ZNF804B: variants seen among roughly 807,000 people sequenced by gnomAD.
ZNF804B encodes the protein zinc finger 804B.
Under a neutral mutation model 101.4 loss-of-function variants are expected in ZNF804B, and 80 were observed. The observed-to-expected ratio is 0.79, with a 90% CI of 0.66 to 0.95. The LOEUF (loss-of-function observed/expected upper bound fraction) is 0.95. Among genes scored for constraint, ZNF804B ranks in the 40% least tolerant of loss-of-function variants. The pLI is 0.00. For synonymous variants in ZNF804B, 622 were observed against 558.8 expected (o/e 1.11, Z -1.59); for missense variants, 1,673 against 1,561.9 (o/e 1.07, Z -1.20).
chr7:89,125,321 G>T (rs1790462774), intron 1 of ZNF804B, among the ~76,000 whole-genome samples: 1 of 150,560 alleles, frequency 6.6e-6, no homozygotes, highest in Non-Finnish European at 1.5e-5. Flanking sequence ...TATAGATATT[G>T]ATATGAATGT....
chr7:88,870,400 A>AAAAAAAAAAAAAAAAAAAAAAAAAAAAAG lies in ZNF804B; in HGVS notation c.108+110323_108+110324insAAAAAAAAAAAAAAAAAAAAAGAAAAAAA, dbSNP rs781332488. ...ACTCCGTCTCAAAAAAAAAAAAAAA[A>AAAAAAAAAAAAAAAAAAAAAAAAAAAAAG]AAAAAAAGGTGGGTGATTGGAAAAC... is the stretch of plus-strand genomic sequence containing the variant. On this transcript the variant is annotated intron_variant, in intron 1 of 3. Coordinates refer to ENST00000333190, the MANE Select transcript of ZNF804B (RefSeq NM_181646.5). Among the ~76,000 whole-genome samples the AAAAAAAAAAAAAAAAAAAAAAAAAAAAAG allele has an allele frequency of 4.8e-4, 54 of 112,382 alleles. 1 individual carries two copies. The highest frequency in any genetic ancestry group is 1.1e-3 in the African/African-American group (29 of 25,346). 73.7% of individuals were successfully genotyped at this position (112,382 alleles called of 152,430 possible). A position where few individuals can be genotyped will look rare whatever the true frequency, so the allele number is the denominator to read the frequency against.
rs374874295 is a variant in ZNF804B at position 89,096,592 on chromosome 7, G to A, written c.109-121563G>A. 8.1e-4 allele frequency among the ~76,000 whole-genome samples: 123 copies of A among 152,244 alleles called. 2 individuals carry two copies. The South Asian group carries it at 0.025, about 31-fold the overall frequency. On this transcript the variant is annotated intron_variant, in intron 1 of 3. Coordinates refer to ENST00000333190, the MANE Select transcript of ZNF804B (RefSeq NM_181646.5). ...TGTCCACGTTATTACTTGGATAGAT[G>A]TTTTTCCCAGTTCCTGATTTTACGA...
rs573323049 is a variant in ZNF804B, at chr7:89,307,332, T to C, written c.250-20012T>C. Among the ~76,000 whole-genome samples the C allele has an allele frequency of 2.7e-3, 411 of 152,176 alleles. 2 individuals are homozygous for C. Among genetic ancestry groups the C allele is most frequent in the African/African-American group, 9.5e-3 (397 of 41,576 alleles). ...CAAAATGTCCTTTTAAAATAATATT[T>C]TAAAGTGGTTAATTGCATTCATGAA... On this transcript the variant is annotated intron_variant, in intron 2 of 3. Coordinates refer to ENST00000333190, the MANE Select transcript of ZNF804B (RefSeq NM_181646.5).
chr7:88,881,935 T>G (rs1005672863), intron 1 of ZNF804B, among the ~76,000 whole-genome samples: 5 of 152,184 alleles, frequency 3.3e-5, no homozygotes, highest in African/African-American at 1.2e-4. Flanking sequence ...CATCTTTCAG[T>G]GCAGAGTATT....
chr7:89,001,421 A>G (rs1788287261), intron 1 of ZNF804B, among the ~76,000 whole-genome samples: 2 of 151,824 alleles, frequency 1.3e-5, no homozygotes, highest in South Asian at 4.1e-4. Context: ...CAGAAACACA[A>G]TAAAAACTTC....
At chr7:89,137,225 T>C (rs1255882580) in intron 1 of ZNF804B, among the ~76,000 whole-genome samples, 3 of 152,080 alleles carry the variant, frequency 2.0e-5, no homozygotes, top group Non-Finnish European at 2.9e-5. Context: ...TTTGGAGTGC[T>C]CAGATGATGT....
At chr7:89,132,650 G>A (rs545604409) in intron 1 of ZNF804B, among the ~76,000 whole-genome samples, 42 of 152,020 alleles carry the variant, frequency 2.8e-4, no homozygotes, top group African/African-American at 9.9e-4. Flanking sequence ...GAGAATTAAT[G>A]AGTTGATATA....
intron 1 of ZNF804B, among the ~76,000 whole-genome samples, chr7:88,955,687 A>G (rs908487392): frequency 1.3e-5 from 2 of 151,684 alleles, no homozygotes; most frequent in Admixed American, 1.3e-4. Context: ...ACATTGGTCT[A>G]GGCCAAGATT....
intron 1 of ZNF804B, among the ~76,000 whole-genome samples, chr7:88,934,572 G>A (rs1792938477): frequency 6.6e-6 from 1 of 151,616 alleles, no homozygotes; most frequent in African/African-American, 2.4e-5. Flanking sequence ...CCATCAAACA[G>A]AAGGCAAATG....
chr7:88,922,062 A>C (rs539223016), intron 1 of ZNF804B, among the ~76,000 whole-genome samples: 4 of 152,148 alleles, frequency 2.6e-5, no homozygotes, highest in Admixed American at 2.0e-4. Context: ...GAAAGAAATG[A>C]CTCAAGATTA....
rs182841387 is a variant in ZNF804B, at chr7:89,068,769, A to C, written c.109-149386A>C. Among the ~76,000 whole-genome samples, 7 of 152,368 alleles carry C rather than the reference A, an allele frequency of 4.6e-5. No individual in the cohort carries two copies. In the East Asian group the frequency reaches 1.2e-3, roughly 25 times the overall value. Reference sequence around the variant, plus strand: ...TGAATAGATTAATTTGAAAGTTATCAGAATGTGTAATTGAGAAAAGCACCA... The same window carrying C: ...TGAATAGATTAATTTGAAAGTTATCCGAATGTGTAATTGAGAAAAGCACCA... On this transcript the variant is annotated intron_variant, in intron 1 of 3. Transcript: ENST00000333190.
chr7:88,838,371 C>T lies in ZNF804B; in HGVS notation c.108+78287C>T, dbSNP rs1216181417. Among the ~76,000 whole-genome samples, 3 of 151,818 alleles carry T rather than the reference C, an allele frequency of 2.0e-5. No homozygotes were observed. The East Asian group carries it at 5.8e-4, about 29-fold the overall frequency. On this transcript the variant is annotated intron_variant, in intron 1 of 3. Coordinates refer to ENST00000333190, the MANE Select transcript of ZNF804B (RefSeq NM_181646.5). ...TCTCTCAAGTTTGTATTCTTAAACACCATTTTATATTATTCTGCTAAGTGT... is the reference window on the plus strand; with the variant it reads ...TCTCTCAAGTTTGTATTCTTAAACATCATTTTATATTATTCTGCTAAGTGT...
intron 1 of ZNF804B, among the ~76,000 whole-genome samples, chr7:89,143,844 G>A (rs1358569058): frequency 6.6e-6 from 1 of 151,870 alleles, no homozygotes; most frequent in East Asian, 1.9e-4. Context: ...TTCATAATAT[G>A]CATTTTTCAT....
At chr7:89,102,202 G>T (rs1167280787) in intron 1 of ZNF804B, among the ~76,000 whole-genome samples, 1 of 151,990 alleles carries the variant, frequency 6.6e-6, no homozygotes, top group Non-Finnish European at 1.5e-5. Context: ...TAGAAGGATG[G>T]CTGGATAGAA....
intron 1 of ZNF804B, among the ~76,000 whole-genome samples, chr7:89,074,872 A>G (rs1382019344): frequency 6.6e-6 from 1 of 152,218 alleles, no homozygotes; most frequent in Non-Finnish European, 1.5e-5. Context: ...AGGTGGTCTC[A>G]GATGGAGATG....
In ZNF804B at chr7:89,266,481, G is replaced by A. The variant is rs558216534; in HGVS notation, c.249+48186G>A. The stretch of plus-strand genomic sequence containing the variant: ...GCTCACCTATCAATGATTGTTTCCA[G>A]TTTTAAAGATATACTTTTAATAAAC... On this transcript the variant is annotated intron_variant, in intron 2 of 3. Coordinates refer to ENST00000333190, the MANE Select transcript of ZNF804B (RefSeq NM_181646.5). Among the ~76,000 whole-genome samples, 29 of 152,148 alleles carry A rather than the reference G, an allele frequency of 1.9e-4. No individual in the cohort carries two copies. In the South Asian group the frequency reaches 5.8e-3, roughly 30 times the overall value.
chr7:89,295,164 GT>G (rs1270692645), intron 2 of ZNF804B, among the ~76,000 whole-genome samples: 1 of 152,142 alleles, frequency 6.6e-6, no homozygotes, highest in Non-Finnish European at 1.5e-5. Flanking sequence ...GATTCTGATA[GT>G]TTTTATTTTG....
At chr7:89,145,673 C>T (rs1184840429) in intron 1 of ZNF804B, among the ~76,000 whole-genome samples, 1 of 151,856 alleles carries the variant, frequency 6.6e-6, no homozygotes, top group African/African-American at 2.4e-5. Context: ...TGACTAATTC[C>T]ACAAACATAT....
intron 1 of ZNF804B, among the ~76,000 whole-genome samples, chr7:89,096,574 G>C (rs541572248): frequency 6.6e-6 from 1 of 152,246 alleles, no homozygotes; most frequent in African/African-American, 2.4e-5. Context: ...TGCTGTCCAC[G>C]TTATTACTTG....
Sources: allele counts gnomAD v4.1 joint callset (sites outside exome capture counted in the v4.1 genomes callset), GRCh38; gene constraint gnomAD v4.1.1; transcripts MANE v1.5; gene names NCBI Gene and HGNC (gene_info 2026-07-23, HGNC 2026-07-21).